Variants in DRC8 observed in about 807,000 individuals in gnomAD.
The protein encoded by DRC8 is dynein regulatory complex subunit 8.
the DRC8 span, among the ~76,000 whole-genome samples, chr1:245,088,347 C>CACACACAA: frequency 6.6e-6 from 1 of 152,054 alleles, no homozygotes; most frequent in East Asian, 1.9e-4. The surrounding 1 kb of genome is among the most constrained non-coding windows in gnomAD (Gnocchi z 4.6). Flanking sequence ...CACACACACA[C>CACACACAA]ACGGGTCTCT....
chr1:244,992,592 T>G, the DRC8 span, among the ~76,000 whole-genome samples: 1 of 152,014 alleles, frequency 6.6e-6, no homozygotes, highest in African/African-American at 2.4e-5. Flanking sequence ...TACAAAAAAT[T>G]AGCTAGGCAT....
At chr1:245,058,017 A>G in the DRC8 span, among the ~76,000 whole-genome samples, 2 of 152,098 alleles carry the variant, frequency 1.3e-5, no homozygotes, top group African/African-American at 2.4e-5. Flanking sequence ...ATTTAGCTCC[A>G]GTAAGTGTGA....
At chr1:245,003,150 A>G in the DRC8 span, among the ~76,000 whole-genome samples, 1 of 152,258 alleles carries the variant, frequency 6.6e-6, no homozygotes, top group African/African-American at 2.4e-5. Flanking sequence ...TAAGTAATAT[A>G]CCATTGTATG....
chr1:245,087,667 A>G, the DRC8 span: 2 of 1,041,616 alleles, frequency 1.9e-6, no homozygotes, highest in Non-Finnish European at 2.3e-6. Context: ...AGCTGACAAA[A>G]TGAAAATGAC....
the DRC8 span, among the ~76,000 whole-genome samples, chr1:245,002,516 T>C: frequency 2.6e-5 from 4 of 152,162 alleles, no homozygotes; most frequent in African/African-American, 9.6e-5. Context: ...CTTTTCCTTA[T>C]GTTTCTTTAG....
the DRC8 span, among the ~76,000 whole-genome samples, chr1:245,027,875 T>G: frequency 1.3e-5 from 2 of 152,016 alleles, no homozygotes; most frequent in Non-Finnish European, 2.9e-5. Flanking sequence ...TGTCAGTTTT[T>G]TTTTTTTTTT....
the DRC8 span, among the ~76,000 whole-genome samples, chr1:245,117,340 C>A: frequency 6.6e-6 from 1 of 152,092 alleles, no homozygotes; most frequent in Admixed American, 6.6e-5. Flanking sequence ...AGGCATGAGC[C>A]ACCGTGCCCG....
At chr1:245,070,451 G>C in the DRC8 span, among the ~76,000 whole-genome samples, 7,483 of 152,282 alleles carry the variant, frequency 0.049, 268 homozygotes, top group Non-Finnish European at 0.078. Context: ...AGAGGGCCTT[G>C]TGAAGCAAGC....
At chr1:244,991,821 T>C in the DRC8 span, among the ~76,000 whole-genome samples, 1 of 152,244 alleles carries the variant, frequency 6.6e-6, no homozygotes, top group African/African-American at 2.4e-5. Context: ...TCAGTATGTT[T>C]TAAGTAATTT....
At chr1:245,088,797 A>C in the DRC8 span, among the ~76,000 whole-genome samples, 493 of 152,310 alleles carry the variant, frequency 3.2e-3, 2 homozygotes, top group South Asian at 0.013. The surrounding 1 kb of genome is among the most constrained non-coding windows in gnomAD (Gnocchi z 4.6). Context: ...GCATTTCAGC[A>C]GGTGAGCAGC....
At chr1:244,982,342 C>A in the DRC8 span, among the ~76,000 whole-genome samples, 1 of 152,156 alleles carries the variant, frequency 6.6e-6, no homozygotes, top group East Asian at 1.9e-4. Context: ...TTGTAATTAT[C>A]AAGGAATTTA....
At chr1:244,990,315 A>T in the DRC8 span, among the ~76,000 whole-genome samples, 3 of 152,186 alleles carry the variant, frequency 2.0e-5, no homozygotes, top group East Asian at 5.8e-4. Context: ...CTATTTTATT[A>T]TTGGTTACTG....
the DRC8 span, among the ~76,000 whole-genome samples, chr1:245,031,310 A>G: frequency 6.6e-6 from 1 of 152,002 alleles, no homozygotes; most frequent in Non-Finnish European, 1.5e-5. Context: ...TGTAATTCCC[A>G]GATTCTCTTG....
chr1:245,084,705 G>A, the DRC8 span, among the ~76,000 whole-genome samples: 1 of 152,124 alleles, frequency 6.6e-6, no homozygotes, highest in Non-Finnish European at 1.5e-5. Flanking sequence ...TTCACAGACT[G>A]GGTCCTGAAT....
the DRC8 span, among the ~76,000 whole-genome samples, chr1:244,971,472 A>G: frequency 6.6e-6 from 1 of 152,240 alleles, no homozygotes; most frequent in Non-Finnish European, 1.5e-5. Context: ...AGTTCATGGT[A>G]TGATTAAAAC....
chr1:244,970,677 C>CCGCCTCTCTCCCCCGCCCCGCCT, the DRC8 span: 16 of 402,240 alleles, frequency 4.0e-5, no homozygotes, highest in Non-Finnish European at 6.2e-5. Flanking sequence ...CCGCCCCGCC[C>CCGCCTCTCTCCCCCGCCCCGCCT]CGCCTCTCTC....
the DRC8 span, among the ~76,000 whole-genome samples, chr1:244,988,499 A>G: frequency 6.6e-6 from 1 of 152,208 alleles, no homozygotes; most frequent in Non-Finnish European, 1.5e-5. Flanking sequence ...ATTTTATTTA[A>G]TATTTAGGAA....
the DRC8 span, among the ~76,000 whole-genome samples, chr1:245,039,474 TAA>T: frequency 2.1e-4 from 26 of 121,368 alleles, no homozygotes; most frequent in Middle Eastern, 4.3e-3. Flanking sequence ...CGCTGCCTCT[TAA>T]AAAAAAAAAA....
chr1:245,094,690 A>G, the DRC8 span, among the ~76,000 whole-genome samples: 5 of 152,192 alleles, frequency 3.3e-5, no homozygotes, highest in South Asian at 4.2e-4. Flanking sequence ...TGAGATGGCT[A>G]CGTTAGAGAA....
Sources: allele counts gnomAD v4.1 joint callset (sites outside exome capture counted in the v4.1 genomes callset), GRCh38; gene constraint gnomAD v4.1.1; non-coding constraint Gnocchi (gnomAD v3.1); transcripts MANE v1.5; gene names NCBI Gene and HGNC (gene_info 2026-07-23, HGNC 2026-07-21).